ZNF33A: variants seen among roughly 807,000 people sequenced by gnomAD.
The protein encoded by ZNF33A is brain my041 protein.
A neutral mutation model predicts 15.9 loss-of-function variants in ZNF33A; 9 were observed. The ratio of observed to expected loss-of-function variants is 0.57; its 90% CI spans 0.34 to 0.99. The LOEUF (loss-of-function observed/expected upper bound fraction) is 0.99, where lower values mean the gene tolerates loss of function less well. ZNF33A is among the 50% of genes least tolerant of loss of function. The pLI is 0.02. For missense variants in ZNF33A, 843 were observed against 941.6 expected, an observed-to-expected ratio of 0.90 and a Z score of 1.37; for synonymous variants, 294 against 324.2, an observed-to-expected ratio of 0.91 and a Z score of 1.00.
chr10:38,062,607 A>C (rs1390664825), downstream of ZNF33A, among the ~76,000 whole-genome samples: 3 of 152,086 alleles, frequency 2.0e-5, no homozygotes, highest in Admixed American at 6.6e-5. Context: ...AGTTAATAGA[A>C]TCAATCTGAA....
chr10:38,010,664 G>A (rs758255739), upstream of ZNF33A: 1 of 1,576,394 alleles, frequency 6.3e-7, no homozygotes, highest in Admixed American at 1.7e-5. Context: ...TCGTCCGCCG[G>A]CTACGTCTGC....
chr10:38,065,394 T>C (rs1282116862), downstream of ZNF33A, among the ~76,000 whole-genome samples: 4 of 152,194 alleles, frequency 2.6e-5, no homozygotes, highest in Admixed American at 6.5e-5. Context: ...AATCATTCCT[T>C]AGTGTTTCAT....
chr10:38,018,274 C>T (rs1417611724), intron 4 of ZNF33A, among the ~76,000 whole-genome samples: 1 of 152,110 alleles, frequency 6.6e-6, no homozygotes, highest in East Asian at 1.9e-4. Flanking sequence ...ATGAGGTCAA[C>T]ATTAGAGCAG....
intron 4 of ZNF33A, among the ~76,000 whole-genome samples, chr10:38,039,044 C>T (rs912403513): frequency 5.3e-5 from 8 of 151,640 alleles, no homozygotes; most frequent in African/African-American, 1.9e-4. Flanking sequence ...TTTTTCATGT[C>T]TGATTTTGGT....
intron 4 of ZNF33A, among the ~76,000 whole-genome samples, chr10:38,036,666 T>G (rs927220636): frequency 2.0e-5 from 3 of 152,170 alleles, no homozygotes; most frequent in Non-Finnish European, 4.4e-5. Context: ...ACTGGATACT[T>G]TCTCCCTAAG....
upstream of ZNF33A, chr10:38,010,519 G>C: frequency 1.5e-6 from 1 of 659,332 alleles, no homozygotes; most frequent in Non-Finnish European, 2.7e-6. Flanking sequence ...CACCAACTCA[G>C]ACCGCATCTG....
intron 4 of ZNF33A, among the ~76,000 whole-genome samples, chr10:38,040,438 T>C (rs1169557763): frequency 2.0e-5 from 3 of 152,198 alleles, no homozygotes; most frequent in Admixed American, 6.5e-5. Context: ...ATTTTTTTCT[T>C]TTAATTCTGT....
At position 38,017,343 on chromosome 10, in the gene ZNF33A, G is replaced by A. The variant is rs1328860184; in HGVS notation, c.207G>A (p.Glu69=). 6.2e-7 allele frequency: 1 copy of A among 1,614,074 alleles called. No homozygotes were observed. Among genetic ancestry groups the A allele is most frequent in the South Asian group, 1.1e-5 (1 of 91,082 alleles). ...EVIFRLQQGE[E]PWKQEEEFPS... Reference sequence around the variant, plus strand: ...TCTTCAGGCTGCAACAAGGAGAAGAGCCATGGAAACAGGAGGAAGAATTCC... The same window carrying A: ...TCTTCAGGCTGCAACAAGGAGAAGAACCATGGAAACAGGAGGAAGAATTCC... The change falls in exon 4 of 5, where the codon GAG becomes GAA. Residue 69 remains glutamate, a synonymous_variant. Coordinates refer to ENST00000432900, the MANE Select transcript of ZNF33A (RefSeq NM_006954.2).
At chr10:38,041,569 A>G (rs560644814) in intron 4 of ZNF33A, among the ~76,000 whole-genome samples, 1 of 152,182 alleles carries the variant, frequency 6.6e-6, no homozygotes, top group Non-Finnish European at 1.5e-5. Context: ...ACCCAACAAT[A>G]CATTGTATGC....
intron 4 of ZNF33A, among the ~76,000 whole-genome samples, chr10:38,020,892 G>T (rs1330914112): frequency 1.3e-5 from 2 of 152,152 alleles, no homozygotes; most frequent in Non-Finnish European, 2.9e-5. Context: ...TCTATTTTTA[G>T]TTTTTTCAGG....
chr10:38,011,259 T>A (rs115839322), intron 1 of ZNF33A, among the ~76,000 whole-genome samples: 1 of 152,364 alleles, frequency 6.6e-6, no homozygotes, highest in African/African-American at 2.4e-5. Flanking sequence ...CTGTCCTGAC[T>A]TGATCTTGCA....
intron 4 of ZNF33A, among the ~76,000 whole-genome samples, chr10:38,024,567 GCATAAACAGTCAAAGT>G (rs1188149748): frequency 1.3e-5 from 2 of 152,200 alleles, no homozygotes; most frequent in East Asian, 1.9e-4. Context: ...TCCAAAATTT[GCATAAACAGTCAAAGT>G]CATAAACAGT....
chr10:38,032,335 C>T (rs2065248736), intron 4 of ZNF33A, among the ~76,000 whole-genome samples: 1 of 152,164 alleles, frequency 6.6e-6, no homozygotes, highest in South Asian at 2.1e-4. Context: ...AAACAATTTT[C>T]TTGAGAATTA....
chr10:38,017,585 T>G (rs1044064347), intron 4 of ZNF33A, 199 bp downstream of exon 4: 1 of 412,282 alleles, frequency 2.4e-6, no homozygotes, highest in Non-Finnish European at 4.4e-6. Flanking sequence ...TTTGAATCGT[T>G]TTTTGAATGT....
intron 4 of ZNF33A, among the ~76,000 whole-genome samples, chr10:38,028,283 TA>T (rs751526332): frequency 3.0e-4 from 45 of 151,494 alleles, no homozygotes; most frequent in Non-Finnish European, 3.4e-4. Flanking sequence ...AATAAATAAA[TA>T]AAATAAAATA....
Position 38,056,647 on chromosome 10 carries a change from A to G in ZNF33A, c.*87A>G. 1 of 1,470,438 alleles carries G rather than the reference A, an allele frequency of 6.8e-7. No individual in the cohort carries two copies. Among genetic ancestry groups the G allele is most frequent in the Non-Finnish European group, 8.9e-7 (1 of 1,117,582 alleles). The allele number at this position is 1,470,438 out of a possible 1,614,324, so 91.1% of individuals were successfully genotyped here. On this transcript the variant is annotated 3_prime_UTR_variant, in exon 5 of 5. Transcript: ENST00000432900. ...CAACAATTATAGGACAGCTTTTGTT[A>G]GGAAGTGATATTCTATGTAATATCA...
Position 38,036,310 on chromosome 10 carries a change from G to A in ZNF33A, c.251-18065G>A, listed in dbSNP as rs577839078. Among the ~76,000 whole-genome samples, 136 of 152,150 alleles carry A rather than the reference G, an allele frequency of 8.9e-4. 1 individual carries two copies. The South Asian group carries it at 0.012, about 13-fold the overall frequency. On this transcript the variant is annotated intron_variant, in intron 4 of 4. Transcript: ENST00000432900. ...AAATAAGCTGGGCGTGGTGGAATGC[G>A]CCTGTAATCCCAGCTCCTCTGAAGG...
chr10:38,042,501 TTC>T (rs946295426), intron 4 of ZNF33A, among the ~76,000 whole-genome samples: 2 of 58,806 alleles, frequency 3.4e-5, no homozygotes, highest in African/African-American at 6.3e-5. Context: ...TTTTGCTTTA[TTC>T]TTTTTTTTTT....
In ZNF33A at chr10:38,054,844, G is replaced by C. The variant is rs41276138; in HGVS notation, c.720G>C (p.Glu240Asp). The C allele has an allele frequency of 0.021, 34,279 of 1,613,250 alleles. 440 individuals carry two copies. Among genetic ancestry groups the C allele is most frequent in the Non-Finnish European group, 0.025 (29,725 of 1,179,834 alleles). Residue 240 changes from glutamate (E) to aspartate (D), a missense_variant, in exon 5 of 5, where the codon GAG becomes GAC. By Grantham distance (45) the Glu-to-Asp change is conservative. Coordinates refer to ENST00000432900, the MANE Select transcript of ZNF33A (RefSeq NM_006954.2). ...EKAVFNTQKRENAEENNCDYN... is the reference protein window; with the variant it reads ...EKAVFNTQKRDNAEENNCDYN... Reference sequence around the variant, plus strand: ...CAGTATTCAATACACAGAAGAGAGAGAACGCAGAAGAGAATAACTGTGATT... The same window carrying C: ...CAGTATTCAATACACAGAAGAGAGACAACGCAGAAGAGAATAACTGTGATT...
Sources: gnomAD v4.1 joint callset for allele counts (sites outside exome capture counted in the v4.1 genomes callset) on GRCh38, gnomAD v4.1.1 for gene constraint, MANE v1.5 for transcripts, NCBI Gene and HGNC (gene_info 2026-07-23, HGNC 2026-07-21) for gene names.